The following CFAP43 variants were observed in gnomAD, a reference collection of about 807,000 sequenced individuals.
The protein encoded by CFAP43 is cilia- and flagella-associated protein 43.
A neutral mutation model predicts 218.9 loss-of-function variants in CFAP43; 155 were observed. That is an observed-to-expected ratio of 0.71 (90% CI 0.62 to 0.81). The LOEUF is 0.81. Ranked by LOEUF, CFAP43 falls within the 30% of genes least tolerant of loss-of-function variation. CFAP43 has a pLI of 0.00. For synonymous variants in CFAP43, 645 were observed against 681.3 expected, an observed-to-expected ratio of 0.95 and a Z score of 0.83; for missense variants, 1,778 against 1,954.3, an observed-to-expected ratio of 0.91 and a Z score of 1.70.
intron 3 of CFAP43, among the ~76,000 whole-genome samples, chr10:104,219,956 T>C (rs1242165494): frequency 6.6e-6 from 1 of 152,188 alleles, no homozygotes; most frequent in Non-Finnish European, 1.5e-5. Context: ...ATTCCCGTGT[T>C]AATATCCTAA....
chr10:104,143,465 G>C lies in CFAP43; in HGVS notation c.4119C>G (p.Phe1373Leu). 6.2e-7 allele frequency: 1 copy of C among 1,614,186 alleles called. No homozygotes were observed. The highest frequency in any genetic ancestry group is 8.5e-7 in the Non-Finnish European group (1 of 1,180,034). ...EGLDPLVWNH[F>L]CMTRRAKVEN... The stretch of plus-strand genomic sequence containing the variant: ...CCACTTTTGCTCGTCTTGTCATGCA[G>C]AAATGATTCCAGACCAAAGGGTCCA... The change falls in exon 32 of 38, where the codon TTC (phenylalanine) becomes TTG (leucine). Residue 1373 changes from phenylalanine (F) to leucine (L), a missense_variant. Transcript: ENST00000357060.
rs773027424 is a variant in CFAP43 at position 104,194,009 on chromosome 10, C to T, written c.1299G>A (p.Thr433=). ...VSKIYLNTLA[T]VLACCPSSLS... ...GGGAGGATGGACAGCAAGCCAGAAC[C>T]GTTGCCTGTTTAAAATAAACCCCAG... is the stretch of plus-strand genomic sequence containing the variant. The change falls in exon 11 of 38, where the codon ACG becomes ACA. Residue 433 remains threonine (T), a synonymous_variant. Coordinates refer to ENST00000357060, the MANE Select transcript of CFAP43 (RefSeq NM_025145.7). 1.6e-5 allele frequency: 26 copies of T among 1,613,158 alleles called. No individual in the cohort carries two copies. The highest frequency in any genetic ancestry group is 2.1e-5 in the Non-Finnish European group (25 of 1,180,012).
intron 3 of CFAP43, among the ~76,000 whole-genome samples, chr10:104,216,126 A>C (rs1246318418): frequency 1.3e-5 from 2 of 152,008 alleles, no homozygotes; most frequent in African/African-American, 4.8e-5. Context: ...AGTTGTTCTA[A>C]AGTCACCGCC....
intron 36 of CFAP43, among the ~76,000 whole-genome samples, chr10:104,131,859 T>A (rs1421913462): frequency 6.6e-6 from 1 of 152,190 alleles, no homozygotes; most frequent in Non-Finnish European, 1.5e-5. Context: ...AATCCTAACC[T>A]AATGTAAAAT....
At position 104,185,152 on chromosome 10, in the gene CFAP43, T is replaced by C; in HGVS notation, c.2011-6A>G. ...CGACACCAAGCAAATGTTTCCTCAATAGTTAAGAAATAAACCAGAAAAATT... is the reference window on the plus strand; with the variant it reads ...CGACACCAAGCAAATGTTTCCTCAACAGTTAAGAAATAAACCAGAAAAATT... On this transcript the variant is annotated splice_region_variant and splice_polypyrimidine_tract_variant and intron_variant, in intron 15 of 37. Transcript: ENST00000357060. 1.2e-6 allele frequency: 2 copies of C among 1,613,602 alleles called. No individual in the cohort carries two copies. The highest frequency in any genetic ancestry group is 1.7e-6 in the Non-Finnish European group (2 of 1,179,872).
chr10:104,188,082 T>A (rs1335560989), intron 13 of CFAP43, among the ~76,000 whole-genome samples, 188 bp downstream of exon 13: 1 of 152,166 alleles, frequency 6.6e-6, no homozygotes, highest in African/African-American at 2.4e-5. Context: ...GACTCATGAG[T>A]CAGGAAGCCC....
chr10:104,156,758 C>T (rs537986661), intron 27 of CFAP43, among the ~76,000 whole-genome samples: 1 of 152,266 alleles, frequency 6.6e-6, no homozygotes, highest in South Asian at 2.1e-4. Context: ...ATAACTTGTT[C>T]AAAATTTGTC....
chr10:104,164,226 A>G lies in CFAP43; in HGVS notation c.3114T>C (p.Ile1038=). 3 of 1,613,882 alleles carry G rather than the reference A, an allele frequency of 1.9e-6. No individual in the cohort carries two copies. The South Asian group carries it at 3.3e-5, about 18-fold the overall frequency. Reference sequence around the variant, plus strand: ...GAACATTTCTTTCCTTCACGCGTGCAATTTCAAACTCTTTTTGTTTATATG... The same window carrying G: ...GAACATTTCTTTCCTTCACGCGTGCGATTTCAAACTCTTTTTGTTTATATG... The part of the protein sequence containing the change: ...DAAYKQKEFE[I]ARVKERNVRI... Residue 1038 remains isoleucine (I), a synonymous_variant, in exon 24 of 38, where the codon ATT becomes ATC. Transcript: ENST00000357060.
At position 104,179,870 on chromosome 10, in the gene CFAP43, T is replaced by C. The variant is rs1392223157; in HGVS notation, c.2352A>G (p.Glu784=). The change falls in exon 18 of 38, where the codon GAA becomes GAG. Residue 784 remains glutamate, a synonymous_variant. Transcript: ENST00000357060. ...DELVLTDVKK[E]IPWIQQKSQE... ...GGCTTTTTTGTTGTATCCAAGGAAT[T>C]TCCTTCTTAACATCGGTTAGAACTA... is the stretch of plus-strand genomic sequence containing the variant. 6.2e-7 allele frequency: 1 copy of C among 1,613,862 alleles called. No individual in the cohort carries two copies. The highest frequency in any genetic ancestry group is 8.5e-7 in the Non-Finnish European group (1 of 1,179,896).
intron 3 of CFAP43, among the ~76,000 whole-genome samples, chr10:104,215,485 T>C (rs770155666): frequency 1.1e-4 from 17 of 152,092 alleles, no homozygotes; most frequent in Non-Finnish European, 2.2e-4. Flanking sequence ...CTTTGACTTT[T>C]TGCATCAGGT....
chr10:104,222,266 G>A (rs555424612), intron 3 of CFAP43, among the ~76,000 whole-genome samples: 1 of 152,240 alleles, frequency 6.6e-6, no homozygotes, highest in African/African-American at 2.4e-5. Flanking sequence ...CCTCCTCCCT[G>A]TTCATCTTCT....
intron 12 of CFAP43, among the ~76,000 whole-genome samples, chr10:104,190,665 T>C (rs1212843552): frequency 1.3e-5 from 2 of 152,248 alleles, no homozygotes; most frequent in East Asian, 1.9e-4. Flanking sequence ...ACTAATGGCA[T>C]TGCAAACTTC....
At chr10:104,155,212 T>A (rs1589656280) in intron 27 of CFAP43, among the ~76,000 whole-genome samples, 2 of 152,114 alleles carry the variant, frequency 1.3e-5, no homozygotes, top group East Asian at 3.9e-4. Flanking sequence ...CTGGCTGCCC[T>A]GGGTGAGGGT....
Position 104,186,071 on chromosome 10 carries a change from T to C in CFAP43, c.1913A>G (p.Gln638Arg). 1 of 1,583,538 alleles carries C rather than the reference T, an allele frequency of 6.3e-7. No individual in the cohort carries two copies. The highest frequency in any genetic ancestry group is 8.5e-7 in the Non-Finnish European group (1 of 1,170,126). Residue 638 changes from glutamine to arginine, a missense_variant, in exon 15 of 38, where the codon CAG becomes CGG. Gln to Arg is a conservative substitution (Grantham distance 43). Around this residue, in one of 3 missense-constraint regions of CFAP43, gnomAD observed 1,553 missense variants for 1,685.2 expected, o/e 0.92. Transcript: ENST00000357060. ...CAGATAGAGCAGTCCAGGTCCATAC[T>C]GTCTGCTTTGTACTTTTTTGTATGG... is the stretch of plus-strand genomic sequence containing the variant. The part of the protein sequence containing the change: ...LKPYKKVQSR[Q>R]YGPGLLYLSS...
chr10:104,232,207 C>A lies in CFAP43; in HGVS notation c.40G>T (p.Ala14Ser). 6.2e-7 allele frequency: 1 copy of A among 1,609,252 alleles called. No homozygotes were observed. The highest frequency in any genetic ancestry group is 8.5e-7 in the Non-Finnish European group (1 of 1,178,542). ...CTCACGGACAAGGACGCGCCGCCGGCGGAGTGGGGGCCTTCGTCGCGCTCC... is the reference window on the plus strand; with the variant it reads ...CTCACGGACAAGGACGCGCCGCCGGAGGAGTGGGGGCCTTCGTCGCGCTCC... ...GRERDEGPHS[A>S]GGASLSVRWV... The change falls in exon 1 of 38, where the codon GCC (alanine) becomes TCC (serine). Residue 14 changes from alanine (A) to serine (S), a missense_variant. By Grantham distance (99) the Ala-to-Ser change is moderately conservative. Around this residue, in one of 3 missense-constraint regions of CFAP43, gnomAD observed 1,553 missense variants for 1,685.2 expected, o/e 0.92. Transcript: ENST00000357060.
At chr10:104,201,514 T>C (rs1234370462) in intron 8 of CFAP43, among the ~76,000 whole-genome samples, 1 of 152,184 alleles carries the variant, frequency 6.6e-6, no homozygotes, top group Non-Finnish European at 1.5e-5. Flanking sequence ...TTGTAACATG[T>C]GTACCTAATT....
Position 104,214,251 on chromosome 10 carries a change from G to A in CFAP43, c.584+8C>T. The A allele has an allele frequency of 6.4e-7, 1 of 1,562,788 alleles. No individual in the cohort carries two copies. Among genetic ancestry groups the A allele is most frequent in the Non-Finnish European group, 8.7e-7 (1 of 1,154,476 alleles). ...CCATGTTGCTACTGTTGTAACAAAGGCTCCTACCTTGCTCTGAAACAATGC... is the reference window on the plus strand; with the variant it reads ...CCATGTTGCTACTGTTGTAACAAAGACTCCTACCTTGCTCTGAAACAATGC... On this transcript the variant is annotated splice_region_variant and intron_variant, in intron 4 of 37. Transcript: ENST00000357060.
chr10:104,141,588 G>A (rs1026895788), intron 33 of CFAP43, among the ~76,000 whole-genome samples: 1 of 152,170 alleles, frequency 6.6e-6, no homozygotes, highest in African/African-American at 2.4e-5. Flanking sequence ...TCCAGCTTGT[G>A]TGACAGAGTG....
rs546129972 is a variant in CFAP43, at chr10:104,214,127, A to ATG, written c.584+130_584+131dup. 7.2e-6 allele frequency: 5 copies of ATG among 695,692 alleles called. No individual in the cohort carries two copies. In the East Asian group the frequency reaches 1.6e-4, roughly 22 times the overall value. 43.1% of individuals were successfully genotyped at this position (695,692 alleles called of 1,614,324 possible). A position where few individuals can be genotyped will look rare whatever the true frequency, so the allele number is the denominator to read the frequency against. ...TGTTATAACAAGATAAGCTGAACGT[A>ATG]TGTGTGTGTATGTGTGTGTATGCAT... On this transcript the variant is annotated intron_variant, in intron 4 of 37. Coordinates refer to ENST00000357060, the MANE Select transcript of CFAP43 (RefSeq NM_025145.7).
Sources: gnomAD v4.1 joint callset for allele counts (sites outside exome capture counted in the v4.1 genomes callset) on GRCh38, gnomAD v4.1.1 for gene constraint, gnomAD v4.1.1 regional missense constraint, MANE v1.5 for transcripts, NCBI Gene and HGNC (gene_info 2026-07-23, HGNC 2026-07-21) for gene names.